GMDS: variants seen among roughly 807,000 people sequenced by gnomAD.
GMDS encodes the protein GDP-mannose 4,6 dehydratase.
A neutral mutation model predicts 49.9 loss-of-function variants in GMDS; 20 were observed. The observed-to-expected ratio is 0.40, with a 90% CI of 0.28 to 0.58. GMDS has a LOEUF of 0.58. Among genes scored for constraint, GMDS ranks in the 20% least tolerant of loss-of-function variants. GMDS has a pLI of 0.42. For missense variants in GMDS, 362 were observed against 481.4 expected (o/e 0.75, Z 2.32); for synonymous variants, 177 against 178.6 (o/e 0.99, Z 0.07).
chr6:1,719,495 G>C (rs1484290625), intron 9 of GMDS, among the ~76,000 whole-genome samples: 1 of 152,110 alleles, frequency 6.6e-6, no homozygotes, highest in East Asian at 1.9e-4. Context: ...GCATGAGGCA[G>C]AACGGGGTGA....
Position 2,012,671 on chromosome 6 carries a change from G to A in GMDS, c.346-51705C>T, listed in dbSNP as rs1767631879. On this transcript the variant is annotated intron_variant, in intron 4 of 10. Transcript: ENST00000380815. ...GAGACAGGTGAATATAGAGAATGGC[G>A]GTTGAGATTGGCTTATCTGAAGGAG... Among the ~76,000 whole-genome samples the A allele has an allele frequency of 2.6e-5, 4 of 151,876 alleles. No homozygotes were observed. The South Asian group carries it at 8.3e-4, about 32-fold the overall frequency.
intron 9 of GMDS, among the ~76,000 whole-genome samples, chr6:1,709,948 G>A (rs1765887921): frequency 6.6e-6 from 1 of 152,166 alleles, no homozygotes; most frequent in Non-Finnish European, 1.5e-5. Context: ...GCAGCTTTTG[G>A]CTTAACTGCA....
intron 9 of GMDS, among the ~76,000 whole-genome samples, chr6:1,629,447 G>C (rs548198713): frequency 1.3e-5 from 2 of 152,166 alleles, no homozygotes; most frequent in Non-Finnish European, 1.5e-5. Flanking sequence ...GGGACTGTCC[G>C]TAGGCAGAGC....
At chr6:1,828,550 A>T (rs1184662120) in intron 7 of GMDS, among the ~76,000 whole-genome samples, 1 of 152,228 alleles carries the variant, frequency 6.6e-6, no homozygotes, top group Non-Finnish European at 1.5e-5. Context: ...AAACAGTAAC[A>T]ATTCATCACA....
At position 1,783,225 on chromosome 6, in the gene GMDS, A is replaced by G. The variant is rs562895954; in HGVS notation, c.772-40639T>C. ...AACTAGGGGAGTAACTGGGGAGCTGAATTCTGAACAAGTTATTTAACACCA... is the reference window on the plus strand; with the variant it reads ...AACTAGGGGAGTAACTGGGGAGCTGGATTCTGAACAAGTTATTTAACACCA... On this transcript the variant is annotated intron_variant, in intron 7 of 10. Coordinates refer to ENST00000380815, the MANE Select transcript of GMDS (RefSeq NM_001500.4). 2.6e-5 allele frequency among the ~76,000 whole-genome samples: 4 copies of G among 152,308 alleles called. No homozygotes were observed. The South Asian group carries it at 6.2e-4, about 24-fold the overall frequency.
intron 9 of GMDS, among the ~76,000 whole-genome samples, chr6:1,702,634 A>C (rs1291439325): frequency 6.6e-6 from 1 of 152,198 alleles, no homozygotes; most frequent in African/African-American, 2.4e-5. Flanking sequence ...GGTGGCATTA[A>C]TACTACTGTT....
In GMDS at chr6:2,176,112, C is replaced by T. The variant is rs186930928; in HGVS notation, c.103-51381G>A. ...ACATGTAATTCTGGTGTCCAGCCCC[C>T]CTTCTACAACCAGGGATGACTGCCT... On this transcript the variant is annotated intron_variant, in intron 1 of 10. Coordinates refer to ENST00000380815, the MANE Select transcript of GMDS (RefSeq NM_001500.4). 29 of 722,792 alleles carry T rather than the reference C, an allele frequency of 4.0e-5. No homozygotes were observed. In the East Asian group the frequency reaches 6.5e-4, roughly 16 times the overall value. 44.8% of individuals were successfully genotyped at this position (722,792 alleles called of 1,614,324 possible).
chr6:1,917,910 C>A (rs879584753), intron 7 of GMDS, among the ~76,000 whole-genome samples: 1 of 152,160 alleles, frequency 6.6e-6, no homozygotes, highest in African/African-American at 2.4e-5. Context: ...GGGTGATGTG[C>A]GACCAGGGAG....
At chr6:1,968,644 T>C (rs896039687) in intron 4 of GMDS, among the ~76,000 whole-genome samples, 2 of 152,154 alleles carry the variant, frequency 1.3e-5, no homozygotes, top group Admixed American at 6.5e-5. Flanking sequence ...GAGGCGGCTA[T>C]AGTCATCAGG....
chr6:1,796,105 C>T (rs1211232214), intron 7 of GMDS, among the ~76,000 whole-genome samples: 1 of 152,130 alleles, frequency 6.6e-6, no homozygotes, highest in African/African-American at 2.4e-5. Context: ...TATTCAACAA[C>T]CCCACAGGAC....
intron 7 of GMDS, among the ~76,000 whole-genome samples, chr6:1,844,583 C>T (rs1757301627): frequency 6.6e-6 from 1 of 152,062 alleles, no homozygotes; most frequent in South Asian, 2.1e-4. Context: ...GAAAATATTT[C>T]AAAACTTTGT....
At chr6:1,922,952 G>A (rs1267229581) in intron 7 of GMDS, among the ~76,000 whole-genome samples, 1 of 152,164 alleles carries the variant, frequency 6.6e-6, no homozygotes, top group Non-Finnish European at 1.5e-5. Flanking sequence ...ACTGAATCAT[G>A]GGGGCGGTTC....
intron 4 of GMDS, among the ~76,000 whole-genome samples, chr6:2,053,431 C>T (rs550774292): frequency 4.6e-5 from 7 of 152,048 alleles, no homozygotes; most frequent in Non-Finnish European, 5.9e-5. Flanking sequence ...ATGGCATATA[C>T]ACAATGCAGC....
At chr6:1,889,140 G>A (rs756494944) in intron 7 of GMDS, among the ~76,000 whole-genome samples, 27 of 152,178 alleles carry the variant, frequency 1.8e-4, no homozygotes, top group Admixed American at 7.2e-4. Context: ...ACAAAGGGCT[G>A]ACTATGCTAC....
Position 2,181,360 on chromosome 6 carries a change from C to T in GMDS, c.103-56629G>A, listed in dbSNP as rs79168452. Among the ~76,000 whole-genome samples, 1,315 of 152,234 alleles carry T rather than the reference C, an allele frequency of 8.6e-3. 17 individuals are homozygous for T. Among genetic ancestry groups the T allele is most frequent in the African/African-American group, 0.03 (1,246 of 41,546 alleles). On this transcript the variant is annotated intron_variant, in intron 1 of 10. Transcript: ENST00000380815. ...TGTATTCACCCAAATGATCAAAACA[C>T]TTAGGATTCATTCTTAACTCCTCCC...
chr6:2,078,644 G>T (rs556179605), intron 4 of GMDS, among the ~76,000 whole-genome samples: 1 of 151,874 alleles, frequency 6.6e-6, no homozygotes, highest in Non-Finnish European at 1.5e-5. Context: ...ATGATCTTGC[G>T]TTTTAAAAAA....
At chr6:2,133,706 A>T (rs1775856046) in intron 1 of GMDS, among the ~76,000 whole-genome samples, 1 of 152,220 alleles carries the variant, frequency 6.6e-6, no homozygotes, top group African/African-American at 2.4e-5. Context: ...ACTTAAAATT[A>T]CTGAAAAATA....
At chr6:2,155,921 C>T (rs1272104429) in intron 1 of GMDS, among the ~76,000 whole-genome samples, 1 of 152,084 alleles carries the variant, frequency 6.6e-6, no homozygotes, top group Non-Finnish European at 1.5e-5. Context: ...TTTAAACTAA[C>T]CTACTTATAA....
chr6:1,892,185 G>A (rs1759902387), intron 7 of GMDS, among the ~76,000 whole-genome samples: 1 of 151,848 alleles, frequency 6.6e-6, no homozygotes, highest in African/African-American at 2.4e-5. Flanking sequence ...TCTCTCGGGG[G>A]AGACTGAAAT....
Sources: allele counts gnomAD v4.1 joint callset (sites outside exome capture counted in the v4.1 genomes callset), GRCh38; gene constraint gnomAD v4.1.1; transcripts MANE v1.5; gene names NCBI Gene and HGNC (gene_info 2026-07-23, HGNC 2026-07-21).